Variants in ZBTB7C observed in about 807,000 individuals in gnomAD.
ZBTB7C encodes zinc finger and BTB domain-containing protein 7C.
A neutral mutation model predicts 25.7 loss-of-function variants in ZBTB7C; 8 were observed. That is an observed-to-expected ratio of 0.31 (90% confidence interval 0.18 to 0.56). ZBTB7C has a LOEUF of 0.56. Ranked by LOEUF, ZBTB7C falls within the 20% of genes least tolerant of loss-of-function variation. ZBTB7C has a pLI of 0.91. For missense variants in ZBTB7C, 824 were observed against 855.2 expected (o/e 0.96, Z 0.46); for synonymous variants, 394 against 369.0 (o/e 1.07, Z -0.78).
At chr18:48,234,920 T>C (rs2043340698) in intron 2 of ZBTB7C, among the ~76,000 whole-genome samples, 1 of 152,226 alleles carries the variant, frequency 6.6e-6, no homozygotes, top group Non-Finnish European at 1.5e-5. Context: ...TGAAAATTTA[T>C]TATTATGCTG....
intron 2 of ZBTB7C, among the ~76,000 whole-genome samples, chr18:48,330,042 G>A (rs997654119): frequency 1.3e-5 from 2 of 152,236 alleles, no homozygotes; most frequent in Non-Finnish European, 2.9e-5. Context: ...AGGTTCTGTG[G>A]TTGCTGTGCA....
At chr18:48,123,577 G>A (rs1399743313) in intron 3 of ZBTB7C, among the ~76,000 whole-genome samples, 1 of 152,304 alleles carries the variant, frequency 6.6e-6, no homozygotes, top group East Asian at 1.9e-4. Flanking sequence ...CCCTCCCCCT[G>A]CCTCTTGCAG....
chr18:48,161,451 C>G (rs1036974231), intron 3 of ZBTB7C, among the ~76,000 whole-genome samples: 2 of 152,068 alleles, frequency 1.3e-5, no homozygotes, highest in Non-Finnish European at 1.5e-5. Context: ...GAAAAATTCC[C>G]GAGCGTGGTG....
At chr18:48,044,424 G>A (rs944599810) in intron 3 of ZBTB7C, among the ~76,000 whole-genome samples, 7 of 152,256 alleles carry the variant, frequency 4.6e-5, no homozygotes, top group African/African-American at 1.2e-4. Flanking sequence ...CCAAGGGAAC[G>A]CAGAGGGCTT....
At chr18:48,224,836 C>A (rs1419920520) in intron 2 of ZBTB7C, among the ~76,000 whole-genome samples, 1 of 152,154 alleles carries the variant, frequency 6.6e-6, no homozygotes, top group Non-Finnish European at 1.5e-5. Context: ...CTCTACAGAG[C>A]AAAGTCAATT....
At chr18:48,286,917 T>G (rs2045073537) in intron 2 of ZBTB7C, among the ~76,000 whole-genome samples, 1 of 152,208 alleles carries the variant, frequency 6.6e-6, no homozygotes, top group East Asian at 1.9e-4. Context: ...CTGGGCATGG[T>G]GGCGCACACC....
chr18:48,142,039 T>A (rs2040365329), intron 3 of ZBTB7C, among the ~76,000 whole-genome samples: 2 of 152,224 alleles, frequency 1.3e-5, no homozygotes, highest in African/African-American at 4.8e-5. Context: ...AAGCTACACT[T>A]TAACAGCCCT....
At chr18:48,314,244 G>A (rs541295588) in intron 2 of ZBTB7C, among the ~76,000 whole-genome samples, 33 of 152,288 alleles carry the variant, frequency 2.2e-4, no homozygotes, top group African/African-American at 3.4e-4. Context: ...GTATAAGTGC[G>A]TTCTGTGCAA....
intron 2 of ZBTB7C, among the ~76,000 whole-genome samples, chr18:48,276,433 A>C (rs1171441662): frequency 7.5e-6 from 1 of 132,936 alleles, no homozygotes; most frequent in Non-Finnish European, 1.6e-5. Context: ...TATATCTCCC[A>C]ATGCTATCCC....
chr18:48,072,938 C>G (rs533648073), intron 3 of ZBTB7C, among the ~76,000 whole-genome samples: 1 of 152,202 alleles, frequency 6.6e-6, no homozygotes, highest in South Asian at 2.1e-4. Context: ...TCCCTTCCCC[C>G]TCCAGGCCAC....
chr18:48,042,931 G>C (rs185966648), intron 3 of ZBTB7C, among the ~76,000 whole-genome samples: 1 of 152,298 alleles, frequency 6.6e-6, no homozygotes, highest in East Asian at 1.9e-4. Flanking sequence ...TGTACAGCAA[G>C]ATTCACCAAA....
chr18:48,118,300 C>T (rs2144706341), intron 3 of ZBTB7C, among the ~76,000 whole-genome samples: 1 of 152,322 alleles, frequency 6.6e-6, no homozygotes, highest in East Asian at 1.9e-4. Flanking sequence ...GCCACTGCCG[C>T]TAGCCTGATC....
chr18:48,124,169 A>C (rs768644690), intron 3 of ZBTB7C, among the ~76,000 whole-genome samples: 2 of 152,218 alleles, frequency 1.3e-5, no homozygotes, highest in Non-Finnish European at 2.9e-5. Flanking sequence ...GGTGACCTCT[A>C]CCTAGAAATG....
At position 48,316,654 on chromosome 18, in the gene ZBTB7C, T is replaced by C. The variant is rs1361010212; in HGVS notation, c.-79+21520A>G. Among the ~76,000 whole-genome samples the C allele has an allele frequency of 4.6e-5, 7 of 152,216 alleles. No homozygotes were observed. In the South Asian group the frequency reaches 1.2e-3, roughly 27 times the overall value. On this transcript the variant is annotated intron_variant, in intron 2 of 4. Coordinates refer to ENST00000590800, the MANE Select transcript of ZBTB7C (RefSeq NM_001318841.2). ...CTCTTGCTCCCTCTCTTGCCATCCA[T>C]ATGCCAGCTCCCCTTGCCTGCCATG...
intron 3 of ZBTB7C, among the ~76,000 whole-genome samples, chr18:48,167,981 G>C (rs768912041): frequency 3.9e-5 from 6 of 152,210 alleles, no homozygotes; most frequent in African/African-American, 1.4e-4. Flanking sequence ...GTGGGGAAGA[G>C]AGAAGGGAGG....
chr18:48,082,695 C>T (rs1268385908), intron 3 of ZBTB7C, among the ~76,000 whole-genome samples: 1 of 145,982 alleles, frequency 6.9e-6, no homozygotes, highest in East Asian at 1.9e-4. Flanking sequence ...GTGCGCTGGG[C>T]ATGAGTTTTA....
chr18:48,198,925 G>C (rs1422319536), intron 2 of ZBTB7C, among the ~76,000 whole-genome samples: 2 of 152,216 alleles, frequency 1.3e-5, no homozygotes, highest in Admixed American at 6.5e-5. Flanking sequence ...TCCTGAGAAA[G>C]GCTGCATTGG....
intron 2 of ZBTB7C, among the ~76,000 whole-genome samples, chr18:48,287,739 G>A (rs1452824053): frequency 6.6e-6 from 1 of 151,930 alleles, no homozygotes; most frequent in African/African-American, 2.4e-5. Flanking sequence ...TATGGAATTG[G>A]AAAAAAATGG....
At chr18:48,338,842 A>C (rs543238253) in intron 1 of ZBTB7C, among the ~76,000 whole-genome samples, 92 of 149,540 alleles carry the variant, frequency 6.2e-4, no homozygotes, top group Non-Finnish European at 1.1e-3. Context: ...GGACACGTTT[A>C]TGTGGAACAT....
Sources: allele counts gnomAD v4.1 joint callset (sites outside exome capture counted in the v4.1 genomes callset), GRCh38; gene constraint gnomAD v4.1.1; transcripts MANE v1.5; gene names NCBI Gene and HGNC (gene_info 2026-07-23, HGNC 2026-07-21).